Variants in SCIN observed in about 807,000 individuals in gnomAD.
SCIN encodes scinderin, also known as adseverin.
A neutral mutation model predicts 91.8 loss-of-function variants in SCIN; 91 were observed. The observed-to-expected ratio is 0.99, with a 90% CI of 0.84 to 1.18. SCIN has a LOEUF of 1.18. Ranked by LOEUF, SCIN falls within the 50% of genes most tolerant of loss-of-function variation. The probability of loss-of-function intolerance (pLI) is 0.00; values close to 1 mark genes in which losing one functional copy is unlikely to be tolerated. For synonymous variants in SCIN, 367 were observed against 312.6 expected (o/e 1.17, Z -1.84); for missense variants, 1,087 against 863.9 (o/e 1.26, Z -3.24).
intron 13 of SCIN, among the ~76,000 whole-genome samples, chr7:12,645,048 G>A (rs112493634): frequency 0.024 from 3,565 of 147,378 alleles, 61 homozygotes; most frequent in Non-Finnish European, 0.038. Context: ...GGCCGGGCGC[G>A]GTGGCTCATG....
intron 10 of SCIN, among the ~76,000 whole-genome samples, chr7:12,639,522 A>G (rs142857506): frequency 1.5e-3 from 236 of 152,348 alleles, no homozygotes; most frequent in African/African-American, 5.5e-3. Context: ...AATGAAAACA[A>G]TGGGAGACTG....
intron 3 of SCIN, among the ~76,000 whole-genome samples, chr7:12,600,732 G>A (rs1055929550): frequency 1.2e-4 from 18 of 152,160 alleles, no homozygotes; most frequent in Non-Finnish European, 2.6e-4. Context: ...GCACACACTG[G>A]TTGAATGCTA....
intron 3 of SCIN, among the ~76,000 whole-genome samples, chr7:12,586,991 G>A (rs1725086418): frequency 6.6e-6 from 1 of 151,934 alleles, no homozygotes; most frequent in South Asian, 2.1e-4. Context: ...AATATAGGAG[G>A]AATAAATTCT....
At position 12,656,495 on chromosome 7, in the gene SCIN, A is replaced by G. The variant is rs1784164280; in HGVS notation, c.*3780A>G. On this transcript the variant is annotated 3_prime_UTR_variant, in exon 16 of 16. Coordinates refer to ENST00000297029, the MANE Select transcript of SCIN (RefSeq NM_001112706.3). ...ATTCATTTGAACTGAACTTGAATTTAAAAGCCTACAAATGCCCCGCATATG... is the reference window on the plus strand; with the variant it reads ...ATTCATTTGAACTGAACTTGAATTTGAAAGCCTACAAATGCCCCGCATATG... 3 of 152,264 alleles carry G rather than the reference A, an allele frequency of 2.0e-5. No homozygotes were observed. In the South Asian group the frequency reaches 6.2e-4, roughly 31 times the overall value. 9.4% of individuals were successfully genotyped at this position (152,264 alleles called of 1,614,324 possible).
rs749778666 is a variant in SCIN, at chr7:12,640,452, C to T, written c.1516C>T (p.Pro506Ser). The change falls in exon 11 of 16, where the codon CCT (proline) becomes TCT (serine). Residue 506 changes from proline (P) to serine (S), a missense_variant. By Grantham distance (74) the Pro-to-Ser change is moderately conservative. Coordinates refer to ENST00000297029, the MANE Select transcript of SCIN (RefSeq NM_001112706.3). ...NGTSKKGGQA[P>S]APPTRLFQVR... is the part of the protein sequence containing the mutation. Reference sequence around the variant, plus strand: ...AACATCAAAGAAAGGAGGTCAGGCACCTGCTCCCCCTACACGCCTCTTTCA... The same window carrying T: ...AACATCAAAGAAAGGAGGTCAGGCATCTGCTCCCCCTACACGCCTCTTTCA... 2 of 1,613,438 alleles carry T rather than the reference C, an allele frequency of 1.2e-6. No homozygotes were observed. The highest frequency in any genetic ancestry group is 1.7e-5 in the Admixed American group (1 of 59,966).
intron 13 of SCIN, among the ~76,000 whole-genome samples, chr7:12,646,179 G>T (rs1429119620): frequency 6.6e-6 from 1 of 152,200 alleles, no homozygotes; most frequent in Non-Finnish European, 1.5e-5. Context: ...AGTAAAATTA[G>T]AAGTATGTGT....
chr7:12,586,665 C>A (rs558856471), intron 3 of SCIN, among the ~76,000 whole-genome samples: 1 of 151,972 alleles, frequency 6.6e-6, no homozygotes, highest in Non-Finnish European at 1.5e-5. Context: ...CAATAGCAAA[C>A]GTATGGAATC....
chr7:12,592,772 G>A lies in SCIN; in HGVS notation c.516+11551G>A, dbSNP rs566786250. Among the ~76,000 whole-genome samples the A allele has an allele frequency of 2.2e-3, 340 of 152,250 alleles. 5 individuals are homozygous for A. The highest frequency in any genetic ancestry group is 7.6e-3 in the African/African-American group (317 of 41,544). On this transcript the variant is annotated intron_variant, in intron 3 of 15. Coordinates refer to ENST00000297029, the MANE Select transcript of SCIN (RefSeq NM_001112706.3). ...TGGCAAGCGGACAAGAGATGAGTCC[G>A]TCAACCCCCACAACTGAGACTTGAG...
Position 12,652,971 on chromosome 7 carries a change from G to A in SCIN, c.*256G>A. ...TACAAAAAAATTAGCTGCGCGTGGT[G>A]GTGCACGCCTGTAGTCCCTGCTACT... On this transcript the variant is annotated 3_prime_UTR_variant, in exon 16 of 16. Coordinates refer to ENST00000297029, the MANE Select transcript of SCIN (RefSeq NM_001112706.3). 3.0e-6 allele frequency: 1 copy of A among 330,444 alleles called. No homozygotes were observed. The highest frequency in any genetic ancestry group is 2.3e-5 in the African/African-American group (1 of 44,302). The allele number at this position is 330,444 out of a possible 1,614,324, so 20.5% of individuals were successfully genotyped here.
intron 4 of SCIN, among the ~76,000 whole-genome samples, chr7:12,610,343 A>G (rs914855082): frequency 1.3e-5 from 2 of 152,240 alleles, no homozygotes; most frequent in Admixed American, 1.3e-4. Flanking sequence ...TTCTTAAGTT[A>G]TCTTTTAGAG....
At chr7:12,603,992 T>C (rs1783018596) in intron 3 of SCIN, among the ~76,000 whole-genome samples, 2 of 152,082 alleles carry the variant, frequency 1.3e-5, no homozygotes, top group Admixed American at 6.6e-5. Flanking sequence ...TTTTTATGGC[T>C]CTTGATAAGA....
At chr7:12,649,972 A>T (rs191061196) in intron 14 of SCIN, among the ~76,000 whole-genome samples, 2 of 151,948 alleles carry the variant, frequency 1.3e-5, no homozygotes, top group Admixed American at 1.3e-4. Flanking sequence ...AACAGGCAGA[A>T]TAGTTTTGAA....
rs115564574 is a variant in SCIN, at chr7:12,577,408, A to G, written c.200-656A>G. 515 of 380,384 alleles carry G rather than the reference A, an allele frequency of 1.4e-3. 4 individuals are homozygous for G. Among genetic ancestry groups the G allele is most frequent in the African/African-American group, 9.9e-3 (467 of 47,056 alleles). 23.6% of individuals were successfully genotyped at this position (380,384 alleles called of 1,614,324 possible). On this transcript the variant is annotated intron_variant, in intron 1 of 15. Transcript: ENST00000297029. ...GATTTATCCTAATAAAGGCTAAACCACTTGTCAAATGTTTTCATAGTCTGA... is the reference window on the plus strand; with the variant it reads ...GATTTATCCTAATAAAGGCTAAACCGCTTGTCAAATGTTTTCATAGTCTGA...
At chr7:12,650,774 A>G (rs946676230) in intron 14 of SCIN, among the ~76,000 whole-genome samples, 2 of 152,202 alleles carry the variant, frequency 1.3e-5, no homozygotes, top group African/African-American at 4.8e-5. Flanking sequence ...CTATTTAAAT[A>G]CTAAACATTA....
rs1400885982 is a variant in SCIN at position 12,640,385 on chromosome 7, G to A, written c.1449G>A (p.Leu483=). The A allele has an allele frequency of 6.2e-7, 1 of 1,611,368 alleles. No homozygotes were observed. Among genetic ancestry groups the A allele is most frequent in the Admixed American group, 1.7e-5 (1 of 59,730 alleles). The change falls in exon 11 of 16, where the codon CTG becomes CTA. Residue 483 remains leucine (L), a synonymous_variant. Transcript: ENST00000297029. Reference sequence around the variant, plus strand: ...AAGGCAAAGAGCCTGTTCACCTACTGAGTTTGTTCAAAGACAAACCGCTCA... The same window carrying A: ...AAGGCAAAGAGCCTGTTCACCTACTAAGTTTGTTCAAAGACAAACCGCTCA... ...VSQGKEPVHL[L]SLFKDKPLII...
chr7:12,581,881 G>T (rs1486721675), intron 3 of SCIN, among the ~76,000 whole-genome samples: 2 of 152,156 alleles, frequency 1.3e-5, no homozygotes, highest in East Asian at 3.9e-4. Flanking sequence ...AATATAAGTT[G>T]TGTCTTTAAA....
chr7:12,604,611 G>T lies in SCIN; in HGVS notation c.614G>T (p.Arg205Met), dbSNP rs981899530. 88 of 1,551,930 alleles carry T rather than the reference G, an allele frequency of 5.7e-5. No homozygotes were observed. Among genetic ancestry groups the T allele is most frequent in the Non-Finnish European group, 6.9e-5 (79 of 1,147,060 alleles). The change falls in exon 4 of 16, where the codon AGG becomes ATG. Residue 205 changes from arginine (R) to methionine (M), a missense_variant. Coordinates refer to ENST00000297029, the MANE Select transcript of SCIN (RefSeq NM_001112706.3). ...ATTCGGTACAATGAAAGGAAAGGAA[G>T]GTCTGAACTAATTGTCGTGGAAGAA... ...TGIRYNERKG[R>M]SELIVVEEGS...
chr7:12,624,806 T>A lies in SCIN; in HGVS notation c.760-204T>A, dbSNP rs535889043. Among the ~76,000 whole-genome samples, 14 of 152,290 alleles carry A rather than the reference T, an allele frequency of 9.2e-5. 2 individuals are homozygous for A. In the South Asian group the frequency reaches 2.5e-3, roughly 27 times the overall value. Reference sequence around the variant, plus strand: ...TTCAAAAAAATTAGAGTATAATTAGTCTTGTGGATTCTTTTCATTTTCTTT... The same window carrying A: ...TTCAAAAAAATTAGAGTATAATTAGACTTGTGGATTCTTTTCATTTTCTTT... On this transcript the variant is annotated intron_variant, in intron 5 of 15. Coordinates refer to ENST00000297029, the MANE Select transcript of SCIN (RefSeq NM_001112706.3).
intron 4 of SCIN, among the ~76,000 whole-genome samples, chr7:12,614,105 G>A (rs1352304520): frequency 6.6e-6 from 1 of 152,140 alleles, no homozygotes; most frequent in Non-Finnish European, 1.5e-5. Flanking sequence ...TTGAAACAAG[G>A]AGCAAATGCT....
Sources: allele counts gnomAD v4.1 joint callset (sites outside exome capture counted in the v4.1 genomes callset), GRCh38; gene constraint gnomAD v4.1.1; transcripts MANE v1.5; gene names NCBI Gene and HGNC (gene_info 2026-07-23, HGNC 2026-07-21).